Variants in BTBD9 observed in about 807,000 individuals in gnomAD.
The protein encoded by BTBD9 is BTB/POZ domain-containing protein 9.
A neutral mutation model predicts 64.3 loss-of-function variants in BTBD9; 49 were observed. The ratio of observed to expected loss-of-function variants is 0.76; its 90% CI spans 0.61 to 0.97. BTBD9 has a LOEUF of 0.97. BTBD9 is among the 50% of genes least tolerant of loss of function. The probability of loss-of-function intolerance (pLI) is 0.00; values close to 1 mark genes in which losing one functional copy is unlikely to be tolerated. For synonymous variants in BTBD9, 260 were observed against 274.7 expected (o/e 0.95, Z 0.53); for missense variants, 598 against 762.1 (o/e 0.78, Z 2.53).
At chr6:38,344,613 A>G (rs898553730) in intron 7 of BTBD9, among the ~76,000 whole-genome samples, 1 of 152,226 alleles carries the variant, frequency 6.6e-6, no homozygotes, top group Non-Finnish European at 1.5e-5. Context: ...CTGCACAGCC[A>G]TGGAAAGTCT....
At chr6:38,478,013 A>G (rs1460342504) in intron 6 of BTBD9, among the ~76,000 whole-genome samples, 3 of 152,194 alleles carry the variant, frequency 2.0e-5, no homozygotes, top group South Asian at 4.1e-4. Context: ...ATCTGTAAGA[A>G]TGAGAATACC....
At chr6:38,355,184 G>A (rs938490031) in intron 6 of BTBD9, among the ~76,000 whole-genome samples, 5 of 152,128 alleles carry the variant, frequency 3.3e-5, no homozygotes, top group Non-Finnish European at 5.9e-5. Flanking sequence ...ATAGCAAGAC[G>A]CTCCAAGTGG....
chr6:38,175,135 C>G lies in BTBD9; in HGVS notation c.1689G>C (p.Gln563His). 1 of 1,614,172 alleles carries G rather than the reference C, an allele frequency of 6.2e-7. No individual in the cohort carries two copies. Among genetic ancestry groups the G allele is most frequent in the Non-Finnish European group, 8.5e-7 (1 of 1,179,988 alleles). The part of the protein sequence containing the change: ...HFECPEQQSS[Q>H]KEENSEESGT... The stretch of plus-strand genomic sequence containing the variant: ...CCGATTCCTCACTATTTTCCTCCTT[C>G]TGGCTGCTCTGCTGCTCTGGACACT... The change falls in exon 11 of 11, where the codon CAG becomes CAC. Residue 563 changes from glutamine (Q) to histidine (H), a missense_variant. Transcript: ENST00000481247.
intron 1 of BTBD9, among the ~76,000 whole-genome samples, chr6:38,609,377 AAG>A (rs1233048350): frequency 6.6e-6 from 1 of 152,172 alleles, no homozygotes; most frequent in Non-Finnish European, 1.5e-5. Context: ...CTCAAAAAAA[AAG>A]AGTTTAAGTC....
intron 6 of BTBD9, among the ~76,000 whole-genome samples, chr6:38,414,837 C>T (rs1486193101): frequency 6.6e-6 from 1 of 152,104 alleles, no homozygotes; most frequent in African/African-American, 2.4e-5. Context: ...TTGTGCCCGG[C>T]TTTCTCCTTT....
chr6:38,510,557 A>T (rs1309311136), intron 6 of BTBD9, among the ~76,000 whole-genome samples: 1 of 152,210 alleles, frequency 6.6e-6, no homozygotes, highest in Non-Finnish European at 1.5e-5. Flanking sequence ...TAGCTTACTG[A>T]AACTTTAATG....
intron 1 of BTBD9, among the ~76,000 whole-genome samples, chr6:38,638,641 G>A (rs900656072): frequency 1.2e-4 from 19 of 152,130 alleles, no homozygotes; most frequent in African/African-American, 4.3e-4. Context: ...GGTTCCAAGA[G>A]GTAACATACT....
intron 6 of BTBD9, among the ~76,000 whole-genome samples, chr6:38,396,846 T>C (rs184693867): frequency 6.2e-4 from 95 of 152,220 alleles, no homozygotes; most frequent in Middle Eastern, 6.8e-3. Flanking sequence ...TTTGAATATA[T>C]TGTTTAAATA....
rs869155666 is a variant in BTBD9 at position 38,171,846 on chromosome 6, C to CAAAAAAAAAAAAAAAAAAAAAAAAAAAA, written c.*3111_*3138dup. 7.6e-5 allele frequency: 6 copies of CAAAAAAAAAAAAAAAAAAAAAAAAAAAA among 79,214 alleles called. No individual in the cohort carries two copies. The highest frequency in any genetic ancestry group is 1.1e-4 in the Non-Finnish European group (5 of 45,704). 4.9% of individuals were successfully genotyped at this position (79,214 alleles called of 1,614,324 possible). On this transcript the variant is annotated 3_prime_UTR_variant, in exon 11 of 11. Coordinates refer to ENST00000481247, the MANE Select transcript of BTBD9 (RefSeq NM_001099272.2). ...TCCAATGAAGTTGCCTTTCTACTCT[C>CAAAAAAAAAAAAAAAAAAAAAAAAAAAA]AAAAAAAAAAAAAAAAAAAAAAAAA...
chr6:38,318,898 T>C (rs1763129397), intron 7 of BTBD9, among the ~76,000 whole-genome samples: 1 of 152,216 alleles, frequency 6.6e-6, no homozygotes, highest in African/African-American at 2.4e-5. Context: ...AGATGCTGTG[T>C]AGCAGCCAGA....
In BTBD9 at chr6:38,258,405, C is replaced by T. The variant is rs182453443; in HGVS notation, c.1455-1889G>A. 2.5e-3 allele frequency among the ~76,000 whole-genome samples: 386 copies of T among 152,266 alleles called. 2 individuals are homozygous for T. Among genetic ancestry groups the T allele is most frequent in the African/African-American group, 9.0e-3 (373 of 41,538 alleles). The stretch of plus-strand genomic sequence containing the variant: ...ATTATTTCAACCTTAAAAGTCCTTC[C>T]CATACAAACTATGTGTTTTACTGCT... On this transcript the variant is annotated intron_variant, in intron 8 of 10. Coordinates refer to ENST00000481247, the MANE Select transcript of BTBD9 (RefSeq NM_001099272.2).
At chr6:38,467,921 T>G in intron 6 of BTBD9, among the ~76,000 whole-genome samples, 1 of 152,200 alleles carries the variant, frequency 6.6e-6, no homozygotes. Context: ...ATAGCTTACT[T>G]TTTTTTCTTT....
intron 1 of BTBD9, among the ~76,000 whole-genome samples, chr6:38,606,867 T>C (rs1056105190): frequency 6.6e-6 from 1 of 152,154 alleles, no homozygotes; most frequent in African/African-American, 2.4e-5. Flanking sequence ...ATTTGTCCAA[T>C]CACATACCCA....
intron 6 of BTBD9, among the ~76,000 whole-genome samples, chr6:38,504,028 C>A (rs1230596039): frequency 6.6e-6 from 1 of 152,178 alleles, no homozygotes. Flanking sequence ...CTCACAACCC[C>A]TTTCTGCCCT....
chr6:38,485,411 T>C (rs1024647534), intron 6 of BTBD9, among the ~76,000 whole-genome samples: 1 of 152,248 alleles, frequency 6.6e-6, no homozygotes, highest in Non-Finnish European at 1.5e-5. Context: ...CTATAAGCTA[T>C]AGCCTTACAA....
At chr6:38,464,394 C>T (rs906110170) in intron 6 of BTBD9, among the ~76,000 whole-genome samples, 10 of 150,808 alleles carry the variant, frequency 6.6e-5, no homozygotes, top group African/African-American at 2.4e-4. Context: ...AAAAAAAAAA[C>T]CCACTTGAAA....
chr6:38,363,165 C>T (rs529900357), intron 6 of BTBD9, among the ~76,000 whole-genome samples: 7 of 152,252 alleles, frequency 4.6e-5, no homozygotes, highest in South Asian at 2.1e-4. Flanking sequence ...CATAGCTCAG[C>T]GCCACCTCCA....
At chr6:38,534,406 C>T (rs577033953) in intron 6 of BTBD9, among the ~76,000 whole-genome samples, 9 of 150,780 alleles carry the variant, frequency 6.0e-5, no homozygotes, top group Non-Finnish European at 1.2e-4. Flanking sequence ...GCCTGGGACC[C>T]GATGGCTTCA....
chr6:38,582,137 TG>T (rs774555231), intron 4 of BTBD9, among the ~76,000 whole-genome samples: 29 of 151,870 alleles, frequency 1.9e-4, no homozygotes, highest in Non-Finnish European at 3.2e-4. Context: ...AGCTGAAAAA[TG>T]GAAGTTTAAA....
Sources: allele counts gnomAD v4.1 joint callset (sites outside exome capture counted in the v4.1 genomes callset), GRCh38; gene constraint gnomAD v4.1.1; transcripts MANE v1.5; gene names NCBI Gene and HGNC (gene_info 2026-07-23, HGNC 2026-07-21).